The following C20orf144 variants were observed in gnomAD, a reference collection of about 807,000 sequenced individuals.
C20orf144 encodes the protein uncharacterized protein C20orf144.
A neutral mutation model predicts 3.8 loss-of-function variants in C20orf144; 8 were observed. The ratio of observed to expected loss-of-function variants is 2.11; its 90% CI spans 1.24 to 3.80. The LOEUF (loss-of-function observed/expected upper bound fraction) is 3.80, where lower values mean the gene tolerates loss of function less well. C20orf144 is among the 30% of genes most tolerant of loss of function. The pLI is 0.00. For synonymous variants in C20orf144, 126 were observed against 104.1 expected (o/e 1.21, Z -1.28); for missense variants, 289 against 224.5 (o/e 1.29, Z -1.83).
chr20:33,663,584 C>G lies in C20orf144; in HGVS notation c.179C>G (p.Ala60Gly). Residue 60 changes from alanine to glycine, a missense_variant, in exon 2 of 2, where the codon GCT becomes GGT. Transcript: ENST00000375222. Reference sequence around the variant, plus strand: ...GACAAGCGGCAGCCGCTGGCCAACGCTGGGCAACGGATTGACTACGCGTCC... The same window carrying G: ...GACAAGCGGCAGCCGCTGGCCAACGGTGGGCAACGGATTGACTACGCGTCC... ...PLDKRQPLANAGQRIDYASGA... is the reference protein window; with the variant it reads ...PLDKRQPLANGGQRIDYASGA... 6.2e-7 allele frequency: 1 copy of G among 1,611,492 alleles called. No homozygotes were observed.
rs1007110745 is a variant in C20orf144 at position 33,663,902 on chromosome 20, G to A, written c.*35G>A. The A allele has an allele frequency of 4.4e-6, 6 of 1,366,058 alleles. No individual in the cohort carries two copies. The highest frequency in any genetic ancestry group is 2.6e-4 in the Middle Eastern group (1 of 3,846). The allele number at this position is 1,366,058 out of a possible 1,614,324, so 84.6% of individuals were successfully genotyped here. On this transcript the variant is annotated 3_prime_UTR_variant, in exon 2 of 2. Coordinates refer to ENST00000375222, the MANE Select transcript of C20orf144 (RefSeq NM_080825.4). ...CCGGACCCCGCCCAATAAAGAGTGCGTGGCAACCCTGGCGCCTGCGAACCC... is the reference window on the plus strand; with the variant it reads ...CCGGACCCCGCCCAATAAAGAGTGCATGGCAACCCTGGCGCCTGCGAACCC...
Position 33,663,543 on chromosome 20 carries a change from G to A in C20orf144, c.138G>A (p.Val46=), listed in dbSNP as rs781410258. ...TGTTCCACCCCCAGACCAGGATCGTGCTGATTCTCCCCCTGGACAAGCGGC... is the reference window on the plus strand; with the variant it reads ...TGTTCCACCCCCAGACCAGGATCGTACTGATTCTCCCCCTGGACAAGCGGC... ...LTRKKPATRI[V]LILPLDKRQP... The change falls in exon 2 of 2, where the codon GTG becomes GTA. Residue 46 remains valine, a synonymous_variant. Coordinates refer to ENST00000375222, the MANE Select transcript of C20orf144 (RefSeq NM_080825.4). The A allele has an allele frequency of 5.6e-6, 9 of 1,610,150 alleles. No homozygotes were observed. Among genetic ancestry groups the A allele is most frequent in the South Asian group, 3.3e-5 (3 of 91,064 alleles).
At chr20:33,662,613 TCCCAAGGATGAGGATCCCAGGAG>T (rs2017516886) in intron 1 of C20orf144, 142 bp downstream of exon 1, 1 of 981,738 alleles carries the variant, frequency 1.0e-6, no homozygotes, top group Non-Finnish European at 1.5e-6. Flanking sequence ...CGAAAATCTC[TCCCAAGGATGAGGATCCCAGGAG>T]CCCATATGGG....
chr20:33,662,466 C>A lies in C20orf144; in HGVS notation c.121C>A (p.Pro41Thr). 1.3e-6 allele frequency: 2 copies of A among 1,551,578 alleles called. No individual in the cohort carries two copies. The highest frequency in any genetic ancestry group is 1.7e-6 in the Non-Finnish European group (2 of 1,147,350). ...SFLNHLTRKK[P>T]ATRIVLILPL... ...CCTCAACCACCTCACTCGGAAGAAG[C>A]CGGCTGTGAGGGCGGGGGATGGGGA... Residue 41 changes from proline (P) to threonine (T), a missense_variant, in exon 1 of 2, where the codon CCG becomes ACG. By Grantham distance (38) the Pro-to-Thr change is conservative (BLOSUM62 -1). Coordinates refer to ENST00000375222, the MANE Select transcript of C20orf144 (RefSeq NM_080825.4).
rs770000414 is a variant in C20orf144 at position 33,663,488 on chromosome 20, G to A, written c.127-44G>A. ...GGAGCGGCCCCGGGTCGTGGGCTCG[G>A]CCCTAGCGCGCTCTCCCGCCTCACG... On this transcript the variant is annotated intron_variant, in intron 1 of 1. Transcript: ENST00000375222. The A allele has an allele frequency of 1.5e-5, 24 of 1,574,488 alleles. No individual in the cohort carries two copies. The African/African-American group carries it at 3.0e-4, about 20-fold the overall frequency.
intron 1 of C20orf144, 46 bp from the exon 2 acceptor site, chr20:33,663,486 C>T (rs906505629): frequency 3.2e-6 from 5 of 1,563,368 alleles, no homozygotes; most frequent in Non-Finnish European, 4.3e-6. Context: ...GTCGTGGGCT[C>T]GGCCCTAGCG....
In C20orf144 at chr20:33,662,394, C is replaced by T. The variant is rs370447346; in HGVS notation, c.49C>T (p.Arg17Cys). 1.2e-5 allele frequency: 19 copies of T among 1,551,534 alleles called. No individual in the cohort carries two copies. The highest frequency in any genetic ancestry group is 2.4e-5 in the East Asian group (1 of 40,934). Residue 17 changes from arginine (R) to cysteine (C), a missense_variant, in exon 1 of 2, where the codon CGC becomes TGC. Physicochemically the swap from Arg to Cys is radical, Grantham distance 180 (BLOSUM62 -3). Coordinates refer to ENST00000375222, the MANE Select transcript of C20orf144 (RefSeq NM_080825.4). ...AAGGACCAAAGCACCCAAGCAGGCC[C>T]GCAAGGAGAGGCCGGCTGACATGGA... ...HKRTKAPKQA[R>C]KERPADMDKA...
chr20:33,663,203 G>T (rs1183276514), intron 1 of C20orf144, among the ~76,000 whole-genome samples: 1 of 152,240 alleles, frequency 6.6e-6, no homozygotes. Context: ...GGACCAGGCG[G>T]GGGTGGGAGG....
rs1159486176 is a variant in C20orf144 at position 33,663,643 on chromosome 20, T to C, written c.238T>C (p.Leu80=). The C allele has an allele frequency of 8.1e-6, 13 of 1,604,992 alleles. No homozygotes were observed. The highest frequency in any genetic ancestry group is 1.3e-5 in the African/African-American group (1 of 74,684). Residue 80 remains leucine, a synonymous_variant, in exon 2 of 2, where the codon TTG becomes CTG. Transcript: ENST00000375222. ...AGLGSPAAPR[L]RGAGEGSERE... ...GCTGGGCTCCCCGGCGGCACCCAGA[T>C]TGCGCGGAGCGGGCGAAGGTAGCGA...
chr20:33,663,671 G>C lies in C20orf144; in HGVS notation c.266G>C (p.Arg89Pro). ...CGCGGAGCGGGCGAAGGTAGCGAGC[G>C]CGAGCCGAGGATGCCGGTACTGCTG... is the stretch of plus-strand genomic sequence containing the variant. ...RLRGAGEGSE[R>P]EPRMPVLLLL... The change falls in exon 2 of 2, where the codon CGC becomes CCC. Residue 89 changes from arginine (R) to proline (P), a missense_variant. Transcript: ENST00000375222. 6.4e-7 allele frequency: 1 copy of C among 1,571,902 alleles called. No homozygotes were observed. The highest frequency in any genetic ancestry group is 1.1e-5 in the South Asian group (1 of 87,702).
intron 1 of C20orf144, among the ~76,000 whole-genome samples, chr20:33,663,009 C>A (rs1279785068): frequency 6.6e-6 from 1 of 152,168 alleles, no homozygotes; most frequent in Admixed American, 6.5e-5. Context: ...ACTTGAGAGC[C>A]CCGGGGGGTG....
rs753894540 is a variant in C20orf144, at chr20:33,663,723, G to T, written c.318G>T (p.Arg106=). The change falls in exon 2 of 2, where the codon CGG becomes CGT. Residue 106 remains arginine (R), a synonymous_variant. Coordinates refer to ENST00000375222, the MANE Select transcript of C20orf144 (RefSeq NM_080825.4). ...LLLLRRQEAR[R]PEEGGARAAL... ...TGCTGCGGCGGCAAGAGGCGCGGCG[G>T]CCGGAAGAGGGCGGGGCCAGGGCAG... 6.5e-7 allele frequency: 1 copy of T among 1,537,838 alleles called. No homozygotes were observed. Among genetic ancestry groups the T allele is most frequent in the Non-Finnish European group, 8.7e-7 (1 of 1,148,656 alleles).
At position 33,663,701 on chromosome 20, in the gene C20orf144, T is replaced by TGCG. The variant is rs2017561651; in HGVS notation, c.302_304dup (p.Arg101dup). 12 of 1,566,406 alleles carry TGCG rather than the reference T, an allele frequency of 7.7e-6. No homozygotes were observed. The highest frequency in any genetic ancestry group is 7.1e-5 in the East Asian group (3 of 42,388). On this transcript the variant is annotated inframe_insertion, in exon 2 of 2. Coordinates refer to ENST00000375222, the MANE Select transcript of C20orf144 (RefSeq NM_080825.4). ...CCGAGGATGCCGGTACTGCTGCTGC[T>TGCG]GCGGCGGCAAGAGGCGCGGCGGCCG...
chr20:33,663,807 A>G lies in C20orf144; in HGVS notation c.402A>G (p.Glu134=). 2 of 1,416,412 alleles carry G rather than the reference A, an allele frequency of 1.4e-6. No individual in the cohort carries two copies. The highest frequency in any genetic ancestry group is 1.8e-6 in the Non-Finnish European group (2 of 1,095,968). The allele number at this position is 1,416,412 out of a possible 1,614,324, so 87.7% of individuals were successfully genotyped here. The change falls in exon 2 of 2, where the codon GAA becomes GAG. Residue 134 remains glutamate, a synonymous_variant. Coordinates refer to ENST00000375222, the MANE Select transcript of C20orf144 (RefSeq NM_080825.4). ...RFRSPGKAPR[E]AGPAEEQPRK... ...GGTCCCCGGGGAAGGCTCCCCGCGA[A>G]GCCGGCCCCGCCGAGGAGCAGCCGC...
In C20orf144 at chr20:33,663,696, G is replaced by A. The variant is rs1315194430; in HGVS notation, c.291G>A (p.Leu97=). Residue 97 remains leucine, a synonymous_variant, in exon 2 of 2, where the codon CTG becomes CTA. Transcript: ENST00000375222. ...SEREPRMPVL[L]LLRRQEARRP... Reference sequence around the variant, plus strand: ...GCGAGCCGAGGATGCCGGTACTGCTGCTGCTGCGGCGGCAAGAGGCGCGGC... The same window carrying A: ...GCGAGCCGAGGATGCCGGTACTGCTACTGCTGCGGCGGCAAGAGGCGCGGC... The A allele has an allele frequency of 2.4e-5, 38 of 1,571,680 alleles. No individual in the cohort carries two copies. Among genetic ancestry groups the A allele is most frequent in the South Asian group, 3.4e-5 (3 of 87,990 alleles).
chr20:33,662,986 GA>G (rs1188082278), intron 1 of C20orf144, among the ~76,000 whole-genome samples: 1 of 152,220 alleles, frequency 6.6e-6, no homozygotes, highest in African/African-American at 2.4e-5. Flanking sequence ...TCCAGAACCA[GA>G]AAGTGGATGA....
At chr20:33,662,599 A>G in intron 1 of C20orf144, 128 bp downstream of exon 1, 2 of 1,094,084 alleles carry the variant, frequency 1.8e-6, no homozygotes, top group East Asian at 5.3e-5. Flanking sequence ...GTGAGGGAGG[A>G]ATTCGAAAAT....
At position 33,663,819 on chromosome 20, in the gene C20orf144, C is replaced by G. The variant is rs1156475541; in HGVS notation, c.414C>G (p.Ala138=). ...PGKAPREAGP[A]EEQPRKRCRC... ...AGGCTCCCCGCGAAGCCGGCCCCGC[C>G]GAGGAGCAGCCGCGCAAACGGTGCC... is the stretch of plus-strand genomic sequence containing the variant. The change falls in exon 2 of 2, where the codon GCC becomes GCG. Residue 138 remains alanine, a synonymous_variant. Coordinates refer to ENST00000375222, the MANE Select transcript of C20orf144 (RefSeq NM_080825.4). 1.4e-6 allele frequency: 2 copies of G among 1,413,998 alleles called. No individual in the cohort carries two copies. Among genetic ancestry groups the G allele is most frequent in the Non-Finnish European group, 1.8e-6 (2 of 1,095,374 alleles). 87.6% of individuals were successfully genotyped at this position (1,413,998 alleles called of 1,614,324 possible). A position where few individuals can be genotyped will look rare whatever the true frequency, so the allele number is the denominator to read the frequency against.
At chr20:33,662,594 G>A (rs1242496186) in intron 1 of C20orf144, 123 bp downstream of exon 1, 1 of 1,142,006 alleles carries the variant, frequency 8.8e-7, no homozygotes, top group South Asian at 1.6e-5. Flanking sequence ...AGGGGGTGAG[G>A]GAGGAATTCG....
Sources: allele counts gnomAD v4.1 joint callset (sites outside exome capture counted in the v4.1 genomes callset), GRCh38; gene constraint gnomAD v4.1.1; transcripts MANE v1.5; gene names NCBI Gene and HGNC (gene_info 2026-07-23, HGNC 2026-07-21).